SEC61A1: variants seen among roughly 807,000 people sequenced by gnomAD.
SEC61A1 encodes SEC61 translocon subunit alpha 1.
Under a neutral mutation model 55.2 loss-of-function variants are expected in SEC61A1, and 15 were observed. That is an observed-to-expected ratio of 0.27 (90% CI 0.18 to 0.42). SEC61A1 has a LOEUF of 0.42. SEC61A1 is among the 10% of genes least tolerant of loss of function. The pLI is 1.00. For missense variants in SEC61A1, 284 were observed against 602.6 expected (o/e 0.47, Z 5.53); for synonymous variants, 247 against 234.0 (o/e 1.06, Z -0.51).
chr3:128,071,232 G>T lies in SEC61A1; in HGVS notation c.*1570G>T, dbSNP rs531487840. The T allele has an allele frequency of 6.5e-6, 1 of 153,052 alleles. No homozygotes were observed. The highest frequency in any genetic ancestry group is 2.1e-4 in the South Asian group (1 of 4,842). 9.5% of individuals were successfully genotyped at this position (153,052 alleles called of 1,614,324 possible). On this transcript the variant is annotated 3_prime_UTR_variant, in exon 12 of 12. Coordinates refer to ENST00000243253, the MANE Select transcript of SEC61A1 (RefSeq NM_013336.4). Reference sequence around the variant, plus strand: ...AGCAGCAGAACCAAGATGGGCCCCAGGCTCCTCCATATGGCCCAGGGCTTA... The same window carrying T: ...AGCAGCAGAACCAAGATGGGCCCCATGCTCCTCCATATGGCCCAGGGCTTA...
rs1559800336 is a variant in SEC61A1, at chr3:128,069,733, G to C, written c.*71G>C. 1 of 1,287,086 alleles carries C rather than the reference G, an allele frequency of 7.8e-7. No homozygotes were observed. Among genetic ancestry groups the C allele is most frequent in the Non-Finnish European group, 1.1e-6 (1 of 899,802 alleles). 79.7% of individuals were successfully genotyped at this position (1,287,086 alleles called of 1,614,324 possible). A position where few individuals can be genotyped will look rare whatever the true frequency, so the allele number is the denominator to read the frequency against. ...GGAAGGGGAGCTCTCATCATGGCGC[G>C]TGCTGCTGCGGCATATGGACTTTTA... On this transcript the variant is annotated 3_prime_UTR_variant, in exon 12 of 12. Coordinates refer to ENST00000243253, the MANE Select transcript of SEC61A1 (RefSeq NM_013336.4).
chr3:128,051,898 G>C, upstream of SEC61A1: 2 of 1,535,978 alleles, frequency 1.3e-6, no homozygotes, highest in Non-Finnish European at 1.7e-6. Context: ...GACTCAGACA[G>C]CGAGGGTGCT....
At chr3:128,069,371 G>T in intron 11 of SEC61A1, 105 bp from the exon 12 acceptor site, 1 of 1,023,958 alleles carries the variant, frequency 9.8e-7, no homozygotes, top group Admixed American at 2.2e-5. Context: ...ACAGCAGAGG[G>T]GCCTTTGAGG....
At chr3:128,052,327 G>A, upstream of SEC61A1, 1 of 460,578 alleles carries the variant, frequency 2.2e-6, no homozygotes, top group Non-Finnish European at 2.9e-6. Context: ...GCGCGGCGCG[G>A]CGAAGCGCGG....
intron 4 of SEC61A1, 26 bp from the exon 5 acceptor site, chr3:128,056,683 C>T: frequency 6.7e-7 from 1 of 1,493,454 alleles, no homozygotes; most frequent in Non-Finnish European, 9.0e-7. Flanking sequence ...CTGATATTGA[C>T]TGTTTTGCTT....
chr3:128,056,930 A>AT, intron 5 of SEC61A1, 90 bp downstream of exon 5: 1 of 934,242 alleles, frequency 1.1e-6, no homozygotes, highest in South Asian at 4.1e-5. Flanking sequence ...TTTTTTATTT[A>AT]TTTTTTATTT....
chr3:128,063,266 T>G (rs1376310387), intron 7 of SEC61A1, among the ~76,000 whole-genome samples: 1 of 152,246 alleles, frequency 6.6e-6, no homozygotes, highest in African/African-American at 2.4e-5. Flanking sequence ...ACCTTCAGTT[T>G]CAGCTTTCCT....
chr3:128,055,230 A>T (rs762325557), intron 2 of SEC61A1, among the ~76,000 whole-genome samples: 1 of 152,210 alleles, frequency 6.6e-6, no homozygotes, highest in Non-Finnish European at 1.5e-5. Flanking sequence ...GGGGTTTGGT[A>T]CAAATTATTT....
At chr3:128,055,635 C>T in intron 3 of SEC61A1, 38 bp from the exon 4 acceptor site, 1 of 1,609,358 alleles carries the variant, frequency 6.2e-7, no homozygotes, top group Admixed American at 1.7e-5. Context: ...TGGCTGGAAA[C>T]AGGAGTGCTG....
At position 128,062,611 on chromosome 3, in the gene SEC61A1, G is replaced by T. The variant is rs535243766; in HGVS notation, c.616+1950G>T. Among the ~76,000 whole-genome samples the T allele has an allele frequency of 6.6e-5, 10 of 151,844 alleles. No homozygotes were observed. In the South Asian group the frequency reaches 1.9e-3, roughly 28 times the overall value. On this transcript the variant is annotated intron_variant, in intron 7 of 11. Coordinates refer to ENST00000243253, the MANE Select transcript of SEC61A1 (RefSeq NM_013336.4). ...TCTCTTTCACAGAAGCCACAGCAGAGGAGGTCAGTGGTCATATTGGTTAGA... is the reference window on the plus strand; with the variant it reads ...TCTCTTTCACAGAAGCCACAGCAGATGAGGTCAGTGGTCATATTGGTTAGA...
At chr3:128,059,163 A>T (rs964264193) in intron 5 of SEC61A1, among the ~76,000 whole-genome samples, 4 of 152,126 alleles carry the variant, frequency 2.6e-5, no homozygotes, top group Admixed American at 1.3e-4. Context: ...GAGTTGTAAG[A>T]AATGAAGACA....
intron 7 of SEC61A1, 26 bp from the exon 8 acceptor site, chr3:128,064,851 A>G: frequency 1.3e-6 from 2 of 1,561,566 alleles, no homozygotes. Context: ...TCGTTCCTTC[A>G]TATATGTCTC....
At chr3:128,060,431 G>A (rs1941835015) in intron 6 of SEC61A1, 77 bp from the exon 7 acceptor site, 1 of 1,481,446 alleles carries the variant, frequency 6.8e-7, no homozygotes, top group Non-Finnish European at 9.3e-7. Context: ...TTATATCAGA[G>A]AACCCAATTA....
intron 7 of SEC61A1, 22 bp downstream of exon 7, chr3:128,060,683 G>A (rs754335119): frequency 6.9e-6 from 11 of 1,604,624 alleles, no homozygotes; most frequent in South Asian, 3.4e-5. Flanking sequence ...GTGCTCCCCT[G>A]GTGGCGACAG....
Position 128,052,505 on chromosome 3 carries a change from G to A in SEC61A1, c.-48G>A. ...GCCGCGGGCAGCGTCGCCTCACGCG[G>A]AGCAGAGCTGAGCTGAAGCGGGACC... On this transcript the variant is annotated 5_prime_UTR_variant, in exon 1 of 12. Coordinates refer to ENST00000243253, the MANE Select transcript of SEC61A1 (RefSeq NM_013336.4). 6.3e-7 allele frequency: 1 copy of A among 1,583,812 alleles called. No individual in the cohort carries two copies. The highest frequency in any genetic ancestry group is 8.6e-7 in the Non-Finnish European group (1 of 1,166,056).
In SEC61A1 at chr3:128,060,573, C is replaced by G. The variant is rs779315166; in HGVS notation, c.528C>G (p.Gly176=). 2.5e-6 allele frequency: 4 copies of G among 1,614,080 alleles called. No individual in the cohort carries two copies. The South Asian group carries it at 4.4e-5, about 18-fold the overall frequency. Residue 176 remains glycine, a synonymous_variant, in exon 7 of 12, where the codon GGC becomes GGG. Transcript: ENST00000243253. The part of the protein sequence containing the change: ...DELLQKGYGL[G]SGISLFIATN... The stretch of plus-strand genomic sequence containing the variant: ...TCCTGCAAAAAGGATATGGCCTTGG[C>G]TCTGGTATTTCTCTCTTCATTGCAA...
Position 128,069,661 on chromosome 3 carries a change from G to A in SEC61A1, c.1430G>A (p.Ter477=). ...EVGSMGALLF[*] The stretch of plus-strand genomic sequence containing the variant: ...GGCAGCATGGGGGCCCTGCTCTTCT[G>A]AGCCCGTCTCCCGGACAGGTTGAGG... The change falls in exon 12 of 12, where the codon TGA becomes TAA. Residue 477 remains the stop codon, a stop_retained_variant. Transcript: ENST00000243253. 1.2e-6 allele frequency: 2 copies of A among 1,613,962 alleles called. No individual in the cohort carries two copies. The highest frequency in any genetic ancestry group is 2.2e-5 in the South Asian group (2 of 91,076).
At position 128,070,345 on chromosome 3, in the gene SEC61A1, T is replaced by C. The variant is rs1007604733; in HGVS notation, c.*683T>C. 3.9e-5 allele frequency: 6 copies of C among 152,408 alleles called. No individual in the cohort carries two copies. Among genetic ancestry groups the C allele is most frequent in the African/African-American group, 1.4e-4 (6 of 41,586 alleles). 9.4% of individuals were successfully genotyped at this position (152,408 alleles called of 1,614,324 possible). On this transcript the variant is annotated 3_prime_UTR_variant, in exon 12 of 12. Coordinates refer to ENST00000243253, the MANE Select transcript of SEC61A1 (RefSeq NM_013336.4). ...GACTCTTCTGGTTGGGCTTAGAGTC[T>C]GCCTGTTTCTGCTAGCTCCGTGTTT...
chr3:128,062,339 T>A (rs140078669), intron 7 of SEC61A1, among the ~76,000 whole-genome samples: 36 of 152,322 alleles, frequency 2.4e-4, no homozygotes, highest in African/African-American at 7.7e-4. Context: ...CAGCTGTGCC[T>A]GGAGATGTTG....
Sources: gnomAD v4.1 joint callset for allele counts (sites outside exome capture counted in the v4.1 genomes callset) on GRCh38, gnomAD v4.1.1 for gene constraint, MANE v1.5 for transcripts, NCBI Gene and HGNC (gene_info 2026-07-23, HGNC 2026-07-21) for gene names.